KCNN2: variants seen among roughly 807,000 people sequenced by gnomAD.
The protein encoded by KCNN2 is small conductance calcium-activated potassium channel protein 2.
KCNN2 carries 24 observed loss-of-function variants against 55.5 expected under a neutral mutation model. That is an observed-to-expected ratio of 0.43 (90% CI 0.31 to 0.61). The LOEUF is 0.61. Among genes scored for constraint, KCNN2 ranks in the 20% least tolerant of loss-of-function variants. KCNN2 has a pLI of 0.08. For synonymous variants in KCNN2, 431 were observed against 336.1 expected (o/e 1.28, Z -3.09); for missense variants, 754 against 853.6 (o/e 0.88, Z 1.45).
chr5:114,392,304 C>T lies in KCNN2; in HGVS notation c.1219-12134C>T, dbSNP rs1217213823. ...CAAAGTTTGAAGGACTTCTCAAGGT[C>T]ATGTAACAAGTTAGTAGCATATCTA... On this transcript the variant is annotated intron_variant, in intron 2 of 7. Coordinates refer to ENST00000673685, the MANE Select transcript of KCNN2 (RefSeq NM_021614.4). Among the ~76,000 whole-genome samples the T allele has an allele frequency of 2.0e-5, 3 of 152,190 alleles. No homozygotes were observed. The East Asian group carries it at 5.8e-4, about 29-fold the overall frequency.
chr5:114,125,387 A>T (rs1751909377), intron 1 of KCNN2, among the ~76,000 whole-genome samples: 1 of 152,188 alleles, frequency 6.6e-6, no homozygotes, highest in Non-Finnish European at 1.5e-5. Context: ...ATTAGTATTA[A>T]CATATTTTTA....
At chr5:114,206,051 A>T (rs1753762206) in intron 1 of KCNN2, among the ~76,000 whole-genome samples, 1 of 152,184 alleles carries the variant, frequency 6.6e-6, no homozygotes, top group Non-Finnish European at 1.5e-5. Context: ...ATGTAGTTCT[A>T]AATGCTAGTT....
intron 3 of KCNN2, among the ~76,000 whole-genome samples, chr5:114,437,537 G>T (rs1038089331): frequency 1.3e-5 from 2 of 152,096 alleles, no homozygotes; most frequent in African/African-American, 4.8e-5. Context: ...CTTCAAAACA[G>T]TTAACCTTTC....
intron 1 of KCNN2, among the ~76,000 whole-genome samples, chr5:114,066,873 C>T (rs1750463141): frequency 6.6e-6 from 1 of 152,176 alleles, no homozygotes; most frequent in Admixed American, 6.5e-5. Flanking sequence ...GCCACCGTGC[C>T]TGGCTATGAT....
At chr5:114,251,746 T>C (rs2112627066) in intron 2 of KCNN2, among the ~76,000 whole-genome samples, 1 of 152,274 alleles carries the variant, frequency 6.6e-6, no homozygotes, top group Admixed American at 6.5e-5. Context: ...TTTATTTTCC[T>C]CAGATAGTGT....
chr5:114,326,835 C>T, intron 2 of KCNN2, among the ~76,000 whole-genome samples: 1 of 152,142 alleles, frequency 6.6e-6, no homozygotes, highest in East Asian at 1.9e-4. Flanking sequence ...GCTATAGCAG[C>T]CATTTTTCAG....
At chr5:114,306,704 T>C (rs1561564102) in intron 2 of KCNN2, among the ~76,000 whole-genome samples, 1 of 146,374 alleles carries the variant, frequency 6.8e-6, no homozygotes, top group Non-Finnish European at 1.5e-5. Flanking sequence ...TTTTTTCTTT[T>C]TTTTTTTTTT....
intron 2 of KCNN2, among the ~76,000 whole-genome samples, chr5:114,307,237 C>T (rs1756300022): frequency 6.6e-6 from 1 of 152,178 alleles, no homozygotes; most frequent in African/African-American, 2.4e-5. Context: ...GGTTCTCAGT[C>T]TGTGAACTAA....
At chr5:114,264,453 A>G (rs1755168982) in intron 2 of KCNN2, among the ~76,000 whole-genome samples, 1 of 152,166 alleles carries the variant, frequency 6.6e-6, no homozygotes, top group South Asian at 2.1e-4. Flanking sequence ...AAAATATACA[A>G]TGCTTTTGTC....
At chr5:114,154,188 T>G in intron 1 of KCNN2, among the ~76,000 whole-genome samples, 1 of 151,568 alleles carries the variant, frequency 6.6e-6, no homozygotes, top group East Asian at 1.9e-4. Flanking sequence ...GTTATGGGAG[T>G]GGATGAGATG....
At chr5:114,211,234 T>G (rs893395328) in intron 1 of KCNN2, among the ~76,000 whole-genome samples, 2 of 152,068 alleles carry the variant, frequency 1.3e-5, no homozygotes, top group Non-Finnish European at 2.9e-5. Context: ...GAATATAAAT[T>G]GTTCTGTCAT....
chr5:114,176,903 GTC>G (rs146793227), intron 1 of KCNN2, among the ~76,000 whole-genome samples: 8 of 150,868 alleles, frequency 5.3e-5, no homozygotes, highest in Admixed American at 2.0e-4. Context: ...ACTTTACCTA[GTC>G]TCTCTCTCTC....
At position 114,221,948 on chromosome 5, in the gene KCNN2, C is replaced by T. The variant is rs889017269; in HGVS notation, c.-185+383C>T. Among the ~76,000 whole-genome samples, 5 of 152,224 alleles carry T rather than the reference C, an allele frequency of 3.3e-5. No homozygotes were observed. The East Asian group carries it at 5.8e-4, about 18-fold the overall frequency. ...TGGAACAAAATACTATAGCTTCTTT[C>T]GACCCTGTTTTCTCATTGAAACTGA... On this transcript the variant is annotated intron_variant, in intron 2 of 10. Coordinates refer to the KCNN2 transcript ENST00000512097.
intron 3 of KCNN2, among the ~76,000 whole-genome samples, chr5:114,412,381 T>C (rs930604927): frequency 2.6e-5 from 4 of 152,238 alleles, no homozygotes; most frequent in African/African-American, 9.6e-5. Flanking sequence ...TCATTACTTC[T>C]CTTTGTAGAA....
At chr5:114,482,669 A>T (rs550520456) in intron 5 of KCNN2, among the ~76,000 whole-genome samples, 16 of 152,324 alleles carry the variant, frequency 1.1e-4, no homozygotes, top group African/African-American at 3.1e-4. Flanking sequence ...AATGTGGTAC[A>T]TATATACCAC....
chr5:114,224,787 T>C (rs945697871), intron 2 of KCNN2, among the ~76,000 whole-genome samples: 5 of 152,196 alleles, frequency 3.3e-5, no homozygotes, highest in African/African-American at 4.8e-5. Context: ...GCCATCAAGA[T>C]AAAGTGAAGA....
At chr5:114,068,283 A>C (rs544622258) in intron 1 of KCNN2, among the ~76,000 whole-genome samples, 1 of 152,200 alleles carries the variant, frequency 6.6e-6, no homozygotes, top group African/African-American at 2.4e-5. Flanking sequence ...TCATAAACTC[A>C]TTTGCCCTGT....
At position 114,495,899 on chromosome 5, in the gene KCNN2, A is replaced by G; in HGVS notation, c.2093A>G (p.Gln698Arg). Residue 698 changes from glutamine (Q) to arginine (R), a missense_variant, in exon 8 of 8, where the codon CAG becomes CGG. Physicochemically the swap from Gln to Arg is conservative, Grantham distance 43. This residue lies in a region of KCNN2 where 164 missense variants were observed against 156.6 expected (regional missense o/e 1.05). Transcript: ENST00000673685. Reference sequence around the variant, plus strand: ...CTTCTCAATCCTGTTTTTCAGACCCAGAACATCATGTATGATATGATTTCT... The same window carrying G: ...CTTCTCAATCCTGTTTTTCAGACCCGGAACATCATGTATGATATGATTTCT... ...ANTLVDLAKTQNIMYDMISDL... is the reference protein window; with the variant it reads ...ANTLVDLAKTRNIMYDMISDL... 6.2e-7 allele frequency: 1 copy of G among 1,612,290 alleles called. No individual in the cohort carries two copies. The highest frequency in any genetic ancestry group is 8.5e-7 in the Non-Finnish European group (1 of 1,178,580).
At chr5:114,250,257 A>T (rs1427322072) in intron 2 of KCNN2, among the ~76,000 whole-genome samples, 1 of 152,190 alleles carries the variant, frequency 6.6e-6, no homozygotes, top group East Asian at 1.9e-4. Flanking sequence ...ACTGATGTGT[A>T]TCCCCAAAGT....
Sources: allele counts gnomAD v4.1 joint callset (sites outside exome capture counted in the v4.1 genomes callset), GRCh38; gene constraint gnomAD v4.1.1; regional missense constraint gnomAD v4.1.1; transcripts MANE v1.5; gene names NCBI Gene and HGNC (gene_info 2026-07-23, HGNC 2026-07-21).